Variants in EYS observed in about 807,000 individuals in gnomAD.
The protein encoded by EYS is EGF-like photoreceptor maintenance factor.
EYS carries 250 observed loss-of-function variants against 282.1 expected under a neutral mutation model. The observed-to-expected ratio is 0.89, with a 90% CI of 0.80 to 0.98. The LOEUF is 0.98. Ranked by LOEUF, EYS falls within the 50% of genes least tolerant of loss-of-function variation. The pLI, the probability that EYS is intolerant of heterozygous loss-of-function variation, is 0.00. For synonymous variants in EYS, 1,355 were observed against 1,282.9 expected (o/e 1.06, Z -1.20); for missense variants, 4,016 against 3,709.0 (o/e 1.08, Z -2.15).
chr6:65,282,988 T>C lies in EYS; in HGVS notation c.2023+12875A>G, dbSNP rs1430731996. 2.6e-5 allele frequency among the ~76,000 whole-genome samples: 4 copies of C among 151,948 alleles called. No homozygotes were observed. The South Asian group carries it at 6.2e-4, about 24-fold the overall frequency. ...ACAGGTAGGCAAAATTAAATATATA[T>C]ACATCCACATGCTAAAATTTGTCAT... On this transcript the variant is annotated intron_variant, in intron 12 of 42. Transcript: ENST00000503581.
intron 33 of EYS, among the ~76,000 whole-genome samples, chr6:64,035,145 T>A (rs1770052498): frequency 6.6e-6 from 1 of 152,180 alleles, no homozygotes; most frequent in African/African-American, 2.4e-5. Flanking sequence ...GTCCTTAGTG[T>A]CAATAGTGTC....
intron 12 of EYS, among the ~76,000 whole-genome samples, chr6:65,229,493 C>T (rs1379188499): frequency 6.6e-6 from 1 of 151,348 alleles, no homozygotes; most frequent in Non-Finnish European, 1.5e-5. Flanking sequence ...TAGAAAATAA[C>T]ATGTACTATT....
chr6:63,956,592 A>T (rs116187407), intron 35 of EYS, among the ~76,000 whole-genome samples: 1,967 of 152,248 alleles, frequency 0.013, 22 homozygotes, highest in Non-Finnish European at 0.018. Flanking sequence ...TTCTATATGT[A>T]TTTTATTTTT....
At chr6:65,687,392 G>C (rs1769061640) in intron 1 of EYS, among the ~76,000 whole-genome samples, 1 of 151,994 alleles carries the variant, frequency 6.6e-6, no homozygotes, top group Non-Finnish European at 1.5e-5. Flanking sequence ...GAAAAAATCT[G>C]AATAATTTAG....
chr6:64,016,352 G>A (rs999591676), intron 33 of EYS, among the ~76,000 whole-genome samples: 16 of 152,124 alleles, frequency 1.1e-4, no homozygotes, highest in African/African-American at 3.6e-4. Context: ...CCCATTTATA[G>A]GTGAGGAAAT....
chr6:65,704,713 T>C (rs1769814329), intron 1 of EYS, among the ~76,000 whole-genome samples: 1 of 152,208 alleles, frequency 6.6e-6, no homozygotes, highest in Non-Finnish European at 1.5e-5. Context: ...ACCATGAATT[T>C]AGTAAATACT....
At chr6:64,815,262 T>A (rs539677279) in intron 21 of EYS, 7 of 456,160 alleles carry the variant, frequency 1.5e-5, no homozygotes, top group African/African-American at 1.4e-4. Flanking sequence ...GAGCACATAG[T>A]AGACTATCCT....
At chr6:64,817,992 G>A (rs572716848) in intron 21 of EYS, among the ~76,000 whole-genome samples, 6 of 152,122 alleles carry the variant, frequency 3.9e-5, no homozygotes, top group Admixed American at 1.3e-4. Flanking sequence ...GTTAAAGCAC[G>A]AATTCTCTTA....
chr6:64,442,958 G>C (rs1774999721), intron 26 of EYS, among the ~76,000 whole-genome samples: 1 of 149,802 alleles, frequency 6.7e-6, no homozygotes, highest in Non-Finnish European at 1.5e-5. Context: ...GCCTAGTGGA[G>C]TTGTGAGAAG....
rs570493780 is a variant in EYS at position 64,522,618 on chromosome 6, C to T, written c.5644+67605G>A. Among the ~76,000 whole-genome samples, 22 of 151,766 alleles carry T rather than the reference C, an allele frequency of 1.4e-4. No homozygotes were observed. In the South Asian group the frequency reaches 2.3e-3, roughly 16 times the overall value. On this transcript the variant is annotated intron_variant, in intron 26 of 42. Coordinates refer to ENST00000503581, the MANE Select transcript of EYS (RefSeq NM_001142800.2). ...CTCAAGCATATGAAATTGGGGAATCCGGGGGCAAGACTGAGCAGGAGGTGT... is the reference window on the plus strand; with the variant it reads ...CTCAAGCATATGAAATTGGGGAATCTGGGGGCAAGACTGAGCAGGAGGTGT...
intron 12 of EYS, among the ~76,000 whole-genome samples, chr6:65,279,611 G>A (rs904893619): frequency 2.0e-5 from 3 of 152,010 alleles, no homozygotes; most frequent in African/African-American, 7.3e-5. Context: ...CAAGCAGTAA[G>A]TATAACAACT....
intron 26 of EYS, among the ~76,000 whole-genome samples, chr6:64,501,687 C>A (rs594182): frequency 0.43 from 64,746 of 151,854 alleles, 14,605 homozygotes; most frequent in African/African-American, 0.6. Context: ...ATTTTAAGGA[C>A]GTAAAACCAG....
At chr6:64,720,274 C>T (rs1397708113) in intron 22 of EYS, among the ~76,000 whole-genome samples, 2 of 152,140 alleles carry the variant, frequency 1.3e-5, no homozygotes, top group Non-Finnish European at 2.9e-5. Context: ...CATCACATCT[C>T]CTTCTCTCAC....
At chr6:65,290,358 G>GA (rs1768490039) in intron 12 of EYS, among the ~76,000 whole-genome samples, 1 of 150,766 alleles carries the variant, frequency 6.6e-6, no homozygotes, top group African/African-American at 2.4e-5. Context: ...TATTATAAGA[G>GA]AAAATACAAA....
At chr6:64,412,646 T>C (rs1452419136) in intron 28 of EYS, 1 of 152,128 alleles carries the variant, frequency 6.6e-6, no homozygotes, top group Admixed American at 6.6e-5. Context: ...GAACCTCAAG[T>C]GTGTCAGCTG....
intron 33 of EYS, among the ~76,000 whole-genome samples, chr6:64,027,506 G>C (rs1289698684): frequency 6.6e-6 from 1 of 152,118 alleles, no homozygotes; most frequent in Non-Finnish European, 1.5e-5. Flanking sequence ...TTCTATAATA[G>C]GGACCAAGAG....
chr6:64,405,650 G>A (rs1773682777), intron 28 of EYS, among the ~76,000 whole-genome samples: 1 of 152,078 alleles, frequency 6.6e-6, no homozygotes, highest in Non-Finnish European at 1.5e-5. Flanking sequence ...CAAAATCAAT[G>A]TGCAAAAATC....
rs1441761628 is a variant in EYS, at chr6:65,495,857, A to G, written c.-198+2T>C. On this transcript the variant is annotated splice_donor_variant, in intron 3 of 42. Coordinates refer to ENST00000503581, the MANE Select transcript of EYS (RefSeq NM_001142800.2). LOFTEE classifies it low-confidence loss of function (5UTR_SPLICE). ...CATGACATAATTAAGCCAGCAACTTACTGCGGTCTTTTGTGTTTTCTCTTT... is the reference window on the plus strand; with the variant it reads ...CATGACATAATTAAGCCAGCAACTTGCTGCGGTCTTTTGTGTTTTCTCTTT... 1.1e-5 allele frequency: 2 copies of G among 174,622 alleles called. No individual in the cohort carries two copies. The highest frequency in any genetic ancestry group is 1.1e-4 in the Admixed American group (2 of 18,002). 10.8% of individuals were successfully genotyped at this position (174,622 alleles called of 1,614,324 possible).
intron 5 of EYS, among the ~76,000 whole-genome samples, chr6:65,479,588 AG>A (rs1380716566): frequency 3.9e-5 from 6 of 152,182 alleles, no homozygotes; most frequent in African/African-American, 1.4e-4. Flanking sequence ...TATGGGTAAA[AG>A]GAAGTTGCCA....
Sources: gnomAD v4.1 joint callset for allele counts (sites outside exome capture counted in the v4.1 genomes callset) on GRCh38, gnomAD v4.1.1 for gene constraint, MANE v1.5 for transcripts, NCBI Gene and HGNC (gene_info 2026-07-23, HGNC 2026-07-21) for gene names.